SMYD3: variants seen among roughly 807,000 people sequenced by gnomAD.
The protein encoded by SMYD3 is SET and MYND domain containing 3.
SMYD3 carries 36 observed loss-of-function variants against 57.7 expected under a neutral mutation model. The observed-to-expected ratio is 0.62, with a 90% CI of 0.48 to 0.82. SMYD3 has a LOEUF of 0.82. Ranked by LOEUF, SMYD3 falls within the 40% of genes least tolerant of loss-of-function variation. The probability of loss-of-function intolerance (pLI) is 0.00; values close to 1 mark genes in which losing one functional copy is unlikely to be tolerated. For missense variants in SMYD3, 515 were observed against 538.8 expected (o/e 0.96, Z 0.44); for synonymous variants, 211 against 195.0 (o/e 1.08, Z -0.68).
chr1:246,313,863 T>A (rs752684613), intron 5 of SMYD3, among the ~76,000 whole-genome samples: 1 of 152,166 alleles, frequency 6.6e-6, no homozygotes, highest in Non-Finnish European at 1.5e-5. Context: ...TATAGAATCA[T>A]AGGGAAAAGC....
intron 5 of SMYD3, among the ~76,000 whole-genome samples, chr1:246,208,340 T>G (rs912605973): frequency 3.3e-5 from 5 of 152,058 alleles, no homozygotes; most frequent in African/African-American, 9.7e-5. Context: ...GACTGTAAAA[T>G]GTATGGAGAC....
intron 1 of SMYD3, among the ~76,000 whole-genome samples, chr1:246,479,623 T>G (rs1303160156): frequency 4.1e-5 from 6 of 145,010 alleles, no homozygotes; most frequent in Non-Finnish European, 9.0e-5. Flanking sequence ...TCCTCCCACC[T>G]CAGCCTCCCA....
chr1:246,457,767 C>A (rs1572517309), intron 1 of SMYD3, among the ~76,000 whole-genome samples: 1 of 152,186 alleles, frequency 6.6e-6, no homozygotes, highest in Admixed American at 6.5e-5. Flanking sequence ...CAATCCACTG[C>A]CTACCTACTA....
rs55709330 is a variant in SMYD3 at position 246,503,954 on chromosome 1, TAAAA to T, written c.164+3096_164+3099del. Among the ~76,000 whole-genome samples the T allele has an allele frequency of 5.6e-3, 714 of 128,360 alleles. 7 individuals are homozygous for T. The highest frequency in any genetic ancestry group is 0.016 in the African/African-American group (532 of 33,092). 84.2% of individuals were successfully genotyped at this position (128,360 alleles called of 152,430 possible). On this transcript the variant is annotated intron_variant, in intron 1 of 11. Coordinates refer to ENST00000490107, the MANE Select transcript of SMYD3 (RefSeq NM_001167740.2). ...GGGCAACAAGAGCAAAACTCCATCT[TAAAA>T]AAAAAAAAAAAAAAAAAAAAGTGAT...
chr1:246,214,604 G>T (rs2063136656), intron 5 of SMYD3, among the ~76,000 whole-genome samples: 1 of 152,166 alleles, frequency 6.6e-6, no homozygotes, highest in African/African-American at 2.4e-5. Context: ...ATGCCTCCAA[G>T]AAGTAAGGCT....
intron 5 of SMYD3, among the ~76,000 whole-genome samples, chr1:246,123,009 T>C (rs905093912): frequency 6.6e-6 from 1 of 152,172 alleles, no homozygotes; most frequent in Non-Finnish European, 1.5e-5. Context: ...CTCTCTATAA[T>C]ACCTTATAGA....
chr1:246,160,152 G>C lies in SMYD3; in HGVS notation c.531+167049C>G, dbSNP rs1313001789. Among the ~76,000 whole-genome samples the C allele has an allele frequency of 2.0e-5, 3 of 152,218 alleles. No homozygotes were observed. In the East Asian group the frequency reaches 5.8e-4, roughly 29 times the overall value. ...ATCCCTGCTTTAACAATATGCCTCTGAGTATGAGCTGACAGAATCCATTCT... is the reference window on the plus strand; with the variant it reads ...ATCCCTGCTTTAACAATATGCCTCTCAGTATGAGCTGACAGAATCCATTCT... On this transcript the variant is annotated intron_variant, in intron 5 of 11. Transcript: ENST00000490107.
chr1:246,256,761 A>G (rs1378088411), intron 5 of SMYD3, among the ~76,000 whole-genome samples: 1 of 148,342 alleles, frequency 6.7e-6, no homozygotes, highest in Non-Finnish European at 1.5e-5. Context: ...GTAGTATTAA[A>G]TCATTAAATT....
intron 5 of SMYD3, among the ~76,000 whole-genome samples, chr1:246,092,334 G>C (rs937335284): frequency 6.6e-6 from 1 of 152,114 alleles, no homozygotes; most frequent in Non-Finnish European, 1.5e-5. Context: ...AACCACAGGA[G>C]AACTAGAAAT....
chr1:246,448,704 T>TAAAAAAAA (rs1553349829), intron 1 of SMYD3, among the ~76,000 whole-genome samples: 3 of 81,446 alleles, frequency 3.7e-5, no homozygotes, highest in African/African-American at 1.1e-4. Flanking sequence ...CTCTTTTTTT[T>TAAAAAAAA]AAAAAAAAAA....
chr1:245,984,029 C>T (rs1572844326), intron 5 of SMYD3, among the ~76,000 whole-genome samples: 1 of 136,840 alleles, frequency 7.3e-6, no homozygotes, highest in African/African-American at 2.8e-5. Flanking sequence ...AATGGAGTTT[C>T]GCTCTTGTTG....
intron 5 of SMYD3, among the ~76,000 whole-genome samples, chr1:246,276,196 A>G (rs12759479): frequency 0.023 from 1,956 of 85,680 alleles, 36 homozygotes; most frequent in African/African-American, 0.052. Flanking sequence ...TTTTTTACTA[A>G]CCGTATTAAC....
intron 1 of SMYD3, among the ~76,000 whole-genome samples, chr1:246,409,457 G>T (rs1367827759): frequency 6.6e-6 from 1 of 152,124 alleles, no homozygotes; most frequent in Non-Finnish European, 1.5e-5. Flanking sequence ...TCTTCTTTTT[G>T]TGAGGTTTGT....
chr1:245,887,892 G>A (rs944386559), intron 8 of SMYD3, among the ~76,000 whole-genome samples: 1 of 152,182 alleles, frequency 6.6e-6, no homozygotes, highest in Non-Finnish European at 1.5e-5. Context: ...CAGGGAGGGA[G>A]GGAGAGATTC....
intron 1 of SMYD3, among the ~76,000 whole-genome samples, chr1:246,477,590 C>T (rs1040527343): frequency 1.3e-5 from 2 of 152,158 alleles, no homozygotes; most frequent in African/African-American, 4.8e-5. Context: ...TGTCATAGTT[C>T]TTTGTTTTAC....
chr1:246,132,121 A>G (rs891532215), intron 5 of SMYD3, among the ~76,000 whole-genome samples: 2 of 152,166 alleles, frequency 1.3e-5, no homozygotes, highest in African/African-American at 4.8e-5. Flanking sequence ...GGCTGAGATC[A>G]TAAAAGGCAT....
rs577335952 is a variant in SMYD3, at chr1:246,324,242, T to C, written c.531+2959A>G. On this transcript the variant is annotated intron_variant, in intron 5 of 11. Transcript: ENST00000490107. The stretch of plus-strand genomic sequence containing the variant: ...CCAGCCTGGCCAACGTGGTGCAACG[T>C]TGTCTCTACTAAAAATACAAAAATT... Among the ~76,000 whole-genome samples, 15 of 151,634 alleles carry C rather than the reference T, an allele frequency of 9.9e-5. No individual in the cohort carries two copies. In the East Asian group the frequency reaches 1.9e-3, roughly 20 times the overall value.
intron 1 of SMYD3, among the ~76,000 whole-genome samples, chr1:246,459,987 A>G (rs932776046): frequency 1.3e-5 from 2 of 149,992 alleles, no homozygotes; most frequent in Non-Finnish European, 3.0e-5. Context: ...TAACACACTT[A>G]GGCTCTTGAA....
intron 1 of SMYD3, among the ~76,000 whole-genome samples, chr1:246,405,656 C>T (rs574251107): frequency 1.8e-4 from 28 of 152,148 alleles, no homozygotes; most frequent in African/African-American, 5.3e-4. Flanking sequence ...CGTCTGTAAT[C>T]CCAGCACTTT....
Sources: gnomAD v4.1 joint callset for allele counts (sites outside exome capture counted in the v4.1 genomes callset) on GRCh38, gnomAD v4.1.1 for gene constraint, MANE v1.5 for transcripts, NCBI Gene and HGNC (gene_info 2026-07-23, HGNC 2026-07-21) for gene names.